Variants in MIS18A observed in about 807,000 individuals in gnomAD.
MIS18A encodes MIS18 kinetochore protein A.
A neutral mutation model predicts 25.0 loss-of-function variants in MIS18A; 14 were observed. The ratio of observed to expected loss-of-function variants is 0.56; its 90% CI spans 0.37 to 0.88. The LOEUF (loss-of-function observed/expected upper bound fraction) is 0.88. Among genes scored for constraint, MIS18A ranks in the 40% least tolerant of loss-of-function variants. MIS18A has a pLI of 0.00. For missense variants in MIS18A, 292 were observed against 290.8 expected, an observed-to-expected ratio of 1.00 and a Z score of -0.03; for synonymous variants, 134 against 118.6, an observed-to-expected ratio of 1.13 and a Z score of -0.84.
chr21:32,269,715 G>T lies in MIS18A; in HGVS notation c.613C>A (p.Leu205Ile). The T allele has an allele frequency of 6.3e-7, 1 of 1,584,638 alleles. No homozygotes were observed. ...LESRVEIEKS[L>I]TQMEDVLKAL... is the part of the protein sequence containing the mutation. ...GTACAGAATAAAATTACCTGTGTTAGAGACTTTTCTATTTCAACTCTGCTT... is the reference window on the plus strand; with the variant it reads ...GTACAGAATAAAATTACCTGTGTTATAGACTTTTCTATTTCAACTCTGCTT... The change falls in exon 4 of 5, where the codon CTA becomes ATA. Residue 205 changes from leucine to isoleucine, a missense_variant. Transcript: ENST00000290130.
chr21:32,200,138 G>A, the MIS18A span, among the ~76,000 whole-genome samples: 35,527 of 152,072 alleles, frequency 0.23, 4,301 homozygotes, highest in South Asian at 0.29. Context: ...AGCTTCTGTC[G>A]CAACTAGTCA....
the MIS18A span, among the ~76,000 whole-genome samples, chr21:32,237,400 A>G: frequency 6.6e-6 from 1 of 152,198 alleles, no homozygotes; most frequent in Non-Finnish European, 1.5e-5. Flanking sequence ...CTGCCAGTGA[A>G]TCCACAGTGG....
chr21:32,165,140 C>T, the MIS18A span, among the ~76,000 whole-genome samples: 12 of 152,026 alleles, frequency 7.9e-5, no homozygotes, highest in African/African-American at 2.9e-4. Flanking sequence ...TCAAGACCAG[C>T]CTGACCAACA....
the MIS18A span, among the ~76,000 whole-genome samples, chr21:32,218,075 C>T: frequency 7.3e-5 from 11 of 151,464 alleles, no homozygotes; most frequent in Non-Finnish European, 1.5e-4. Context: ...CGCCTGTAGT[C>T]CCAGCTACTT....
At chr21:32,171,194 T>A in the MIS18A span, among the ~76,000 whole-genome samples, 1 of 151,972 alleles carries the variant, frequency 6.6e-6, no homozygotes, top group East Asian at 1.9e-4. Flanking sequence ...GAATTAAATA[T>A]CTCCATTAGC....
chr21:32,177,139 A>G, the MIS18A span, among the ~76,000 whole-genome samples: 1 of 152,192 alleles, frequency 6.6e-6, no homozygotes, highest in Admixed American at 6.5e-5. Flanking sequence ...CAGATAGACG[A>G]TGCCTGTTTA....
chr21:32,269,198 A>G (rs1366208749), intron 4 of MIS18A, 81 bp from the exon 5 acceptor site: 2 of 1,026,778 alleles, frequency 1.9e-6, no homozygotes. Flanking sequence ...ATTAAGATAT[A>G]CACTTAATGC....
downstream of MIS18A, among the ~76,000 whole-genome samples, chr21:32,263,370 C>A (rs111431877): frequency 0.044 from 6,742 of 152,172 alleles, 215 homozygotes; most frequent in Non-Finnish European, 0.072. Context: ...CTGAGGCGGG[C>A]GGGTCACTTG....
At chr21:32,242,979 T>C in the MIS18A span, among the ~76,000 whole-genome samples, 1 of 152,296 alleles carries the variant, frequency 6.6e-6, no homozygotes, top group South Asian at 2.1e-4. Flanking sequence ...ACCAACTGAT[T>C]CTTGACAAAG....
At chr21:32,253,930 C>A in the MIS18A span, among the ~76,000 whole-genome samples, 2 of 152,218 alleles carry the variant, frequency 1.3e-5, no homozygotes, top group African/African-American at 4.8e-5. Flanking sequence ...AAAAAAAAAT[C>A]ATAAATCCCT....
the MIS18A span, among the ~76,000 whole-genome samples, chr21:32,155,596 A>C: frequency 2.6e-5 from 4 of 152,248 alleles, no homozygotes; most frequent in Non-Finnish European, 5.9e-5. Context: ...CACCAACTGA[A>C]AACATGAAGA....
intron 2 of MIS18A, among the ~76,000 whole-genome samples, chr21:32,274,542 C>G (rs1421228005): frequency 6.6e-6 from 1 of 152,010 alleles, no homozygotes; most frequent in Non-Finnish European, 1.5e-5. Flanking sequence ...TTCTTCAGCA[C>G]CAAGCCCAAA....
the MIS18A span, among the ~76,000 whole-genome samples, chr21:32,190,877 A>T: frequency 6.6e-6 from 1 of 152,220 alleles, no homozygotes; most frequent in Non-Finnish European, 1.5e-5. Flanking sequence ...ACTTCGATGT[A>T]TGTCTGCCAC....
At chr21:32,165,585 C>T in the MIS18A span, among the ~76,000 whole-genome samples, 1 of 146,760 alleles carries the variant, frequency 6.8e-6, no homozygotes, top group Non-Finnish European at 1.5e-5. Flanking sequence ...TCTTCATGAA[C>T]ACCAGCTAAA....
chr21:32,209,240 A>G, the MIS18A span, among the ~76,000 whole-genome samples: 1 of 152,204 alleles, frequency 6.6e-6, no homozygotes, highest in African/African-American at 2.4e-5. Flanking sequence ...AAAGCTTAGC[A>G]CATGTTAAAG....
the MIS18A span, among the ~76,000 whole-genome samples, chr21:32,239,947 T>C: frequency 6.6e-6 from 1 of 152,248 alleles, no homozygotes; most frequent in Middle Eastern, 3.2e-3. Context: ...TGATCACCTT[T>C]CCTGAACCAC....
the MIS18A span, among the ~76,000 whole-genome samples, chr21:32,238,309 T>G: frequency 3.3e-5 from 5 of 152,150 alleles, no homozygotes; most frequent in African/African-American, 1.2e-4. Flanking sequence ...CTCAGTGACT[T>G]TATACAACTT....
the MIS18A span, among the ~76,000 whole-genome samples, chr21:32,255,921 G>A: frequency 6.6e-6 from 1 of 151,136 alleles, no homozygotes; most frequent in African/African-American, 2.4e-5. Context: ...ACGTGTTTAC[G>A]CCTGGGGTAA....
the MIS18A span, among the ~76,000 whole-genome samples, chr21:32,215,025 T>C: frequency 1.4e-4 from 22 of 152,070 alleles, no homozygotes; most frequent in Non-Finnish European, 8.8e-5. Flanking sequence ...GGGAGGGCAA[T>C]GGGACGGGGA....
Sources: gnomAD v4.1 joint callset for allele counts (sites outside exome capture counted in the v4.1 genomes callset) on GRCh38, gnomAD v4.1.1 for gene constraint, MANE v1.5 for transcripts, NCBI Gene and HGNC (gene_info 2026-07-23, HGNC 2026-07-21) for gene names.